The following TNRC6B variants were observed in gnomAD, a reference collection of about 807,000 sequenced individuals.
TNRC6B encodes trinucleotide repeat-containing gene 6B protein.
Under a neutral mutation model 203.6 loss-of-function variants are expected in TNRC6B, and 52 were observed. The observed-to-expected ratio is 0.26, with a 90% CI of 0.20 to 0.32. The LOEUF is 0.32. Among genes scored for constraint, TNRC6B ranks in the 10% least tolerant of loss-of-function variants. The pLI, the probability that TNRC6B is intolerant of heterozygous loss-of-function variation, is 1.00. For synonymous variants in TNRC6B, 838 were observed against 845.7 expected, an observed-to-expected ratio of 0.99 and a Z score of 0.16; for missense variants, 1,923 against 2,286.2, an observed-to-expected ratio of 0.84 and a Z score of 3.24.
intron 3 of TNRC6B, among the ~76,000 whole-genome samples, chr22:40,254,231 A>T (rs1003076886): frequency 6.6e-6 from 1 of 152,210 alleles, no homozygotes; most frequent in African/African-American, 2.4e-5. Flanking sequence ...GAACTAAAAG[A>T]GTTTGATGGA....
At chr22:40,297,131 T>A (rs751015074) in intron 12 of TNRC6B, among the ~76,000 whole-genome samples, 1 of 152,228 alleles carries the variant, frequency 6.6e-6, no homozygotes, top group Non-Finnish European at 1.5e-5. Context: ...AATACTGGCA[T>A]AGAAGAACAA....
At chr22:40,263,242 CTTTA>C (rs1199107505) in intron 4 of TNRC6B, among the ~76,000 whole-genome samples, 1 of 152,166 alleles carries the variant, frequency 6.6e-6, no homozygotes, top group African/African-American at 2.4e-5. Context: ...CAGTAGGATG[CTTTA>C]TTTGAGTTCT....
At chr22:40,114,296 A>G (rs1016237174) in intron 1 of TNRC6B, among the ~76,000 whole-genome samples, 1 of 152,070 alleles carries the variant, frequency 6.6e-6, no homozygotes, top group African/African-American at 2.4e-5. Context: ...TTAGTTAGGT[A>G]CTTGGCTTTG....
At chr22:40,132,969 A>AAATATATATATAT (rs1282694632) in intron 3 of TNRC6B, among the ~76,000 whole-genome samples, 12 of 78,186 alleles carry the variant, frequency 1.5e-4, no homozygotes, top group African/African-American at 4.0e-4. Context: ...AAAAAAAAAA[A>AAATATATATATAT]ATATATATAT....
chr22:40,296,923 G>A (rs1487523422), intron 12 of TNRC6B, among the ~76,000 whole-genome samples: 1 of 152,178 alleles, frequency 6.6e-6, no homozygotes, highest in Non-Finnish European at 1.5e-5. Context: ...CAGCCACCAT[G>A]TCCAGCCTGG....
chr22:40,103,889 C>T (rs1274201076), intron 1 of TNRC6B, among the ~76,000 whole-genome samples: 2 of 151,514 alleles, frequency 1.3e-5, no homozygotes, highest in East Asian at 4.0e-4. Context: ...GTGATCTGCC[C>T]ACCTTGGCCT....
chr22:40,225,209 C>T (rs2069766611), intron 1 of TNRC6B, among the ~76,000 whole-genome samples: 1 of 152,172 alleles, frequency 6.6e-6, no homozygotes, highest in South Asian at 2.1e-4. Flanking sequence ...GAGGCATGTG[C>T]TTATTGCAGT....
chr22:40,131,067 A>C (rs1328589540), intron 3 of TNRC6B, among the ~76,000 whole-genome samples: 2 of 151,460 alleles, frequency 1.3e-5, no homozygotes, highest in Non-Finnish European at 2.9e-5. Flanking sequence ...CCACGCCCGG[A>C]TAATTTTTTG....
chr22:40,285,665 T>G lies in TNRC6B; in HGVS notation c.3603T>G (p.Phe1201Leu), dbSNP rs758070534. ...TACAGGGCGGTAGTCATGGTTTGTT[T>G]GGAAACAGCACAGCACAATCGAGAG... ...AARQGGSHGL[F>L]GNSTAQSRGL... Residue 1201 changes from phenylalanine to leucine, a missense_variant, in exon 12 of 23, where the codon TTT (phenylalanine) becomes TTG (leucine). Phe to Leu is a conservative substitution (Grantham distance 22). Transcript: ENST00000454349. 6.2e-7 allele frequency: 1 copy of G among 1,613,250 alleles called. No homozygotes were observed. The highest frequency in any genetic ancestry group is 1.1e-5 in the South Asian group (1 of 90,848).
At chr22:40,051,451 C>T (rs768262164) in intron 1 of TNRC6B, among the ~76,000 whole-genome samples, 5 of 152,204 alleles carry the variant, frequency 3.3e-5, no homozygotes, top group Non-Finnish European at 7.3e-5. Flanking sequence ...CTTCTAAAGA[C>T]GTTGTATACT....
At chr22:40,091,963 C>G (rs2068154250) in intron 1 of TNRC6B, among the ~76,000 whole-genome samples, 1 of 152,106 alleles carries the variant, frequency 6.6e-6, no homozygotes, top group Non-Finnish European at 1.5e-5. Context: ...GCCAGAGAAA[C>G]ATAAATCTTC....
intron 1 of TNRC6B, among the ~76,000 whole-genome samples, chr22:40,060,200 C>CT (rs112050371): frequency 1.7e-3 from 225 of 132,142 alleles, no homozygotes; most frequent in Middle Eastern, 7.9e-3. Flanking sequence ...ATGCACATGA[C>CT]TTTTTTTTTT....
rs1017028176 is a variant in TNRC6B at position 40,325,919 on chromosome 22, C to T, written c.*2678C>T. On this transcript the variant is annotated 3_prime_UTR_variant, in exon 23 of 23. Coordinates refer to ENST00000454349, the MANE Select transcript of TNRC6B (RefSeq NM_001162501.2). ...TACGGTGAAAGCCGGGTGCTAGAGCCCCTCTTGTTTACAAGACATAATGAG... is the reference window on the plus strand; with the variant it reads ...TACGGTGAAAGCCGGGTGCTAGAGCTCCTCTTGTTTACAAGACATAATGAG... 1 of 152,350 alleles carries T rather than the reference C, an allele frequency of 6.6e-6. No individual in the cohort carries two copies. Among genetic ancestry groups the T allele is most frequent in the East Asian group, 1.9e-4 (1 of 5,194 alleles). 9.4% of individuals were successfully genotyped at this position (152,350 alleles called of 1,614,324 possible). A position where few individuals can be genotyped will look rare whatever the true frequency, so the allele number is the denominator to read the frequency against.
intron 16 of TNRC6B, among the ~76,000 whole-genome samples, chr22:40,310,431 G>A (rs915234613): frequency 1.3e-5 from 2 of 152,168 alleles, no homozygotes; most frequent in African/African-American, 4.8e-5. Context: ...CTTCTTATGT[G>A]CTACAAATGG....
intron 1 of TNRC6B, among the ~76,000 whole-genome samples, chr22:40,078,538 A>G (rs1437179790): frequency 6.6e-6 from 1 of 152,114 alleles, no homozygotes; most frequent in African/African-American, 2.4e-5. Flanking sequence ...AAAATTATTT[A>G]TGATTAATCA....
rs768312489 is a variant in TNRC6B at position 40,265,669 on chromosome 22, C to T, written c.1439C>T (p.Thr480Met). ...TCTTGGGACAACAATAACAGGTCTA[C>T]GGGTGGGTCCTGGAACTTTGGCCCC... ...NDSWDNNNRS[T>M]GGSWNFGPQD... Residue 480 changes from threonine to methionine, a missense_variant, in exon 5 of 23, where the codon ACG (threonine) becomes ATG (methionine). Thr to Met is a moderately conservative substitution (Grantham distance 81, BLOSUM62 -1). Transcript: ENST00000454349. 1.9e-5 allele frequency: 31 copies of T among 1,613,770 alleles called. No homozygotes were observed. The highest frequency in any genetic ancestry group is 4.5e-5 in the East Asian group (2 of 44,894).
intron 3 of TNRC6B, among the ~76,000 whole-genome samples, chr22:40,128,572 G>GGCTCACGGCTCACGGCTCACA (rs1555884298): frequency 2.0e-4 from 29 of 146,602 alleles, no homozygotes; most frequent in African/African-American, 7.0e-4. Flanking sequence ...CACGGCTCAC[G>GGCTCACGGCTCACGGCTCACA]GCTCACAGCT....
At chr22:40,088,584 TTGTGTGTGTGTGTGTGTG>T (rs58537972) in intron 1 of TNRC6B, among the ~76,000 whole-genome samples, 11 of 125,228 alleles carry the variant, frequency 8.8e-5, no homozygotes, top group East Asian at 2.4e-4. Flanking sequence ...GCGGCTACTT[TTGTGTGTGTGTGTGTGTG>T]TGTGTGTGTG....
At chr22:40,264,553 C>G (rs890161946) in intron 4 of TNRC6B, 135 bp from the exon 5 acceptor site, 2 of 946,888 alleles carry the variant, frequency 2.1e-6, no homozygotes, top group African/African-American at 3.3e-5. Flanking sequence ...AGTTGTGATA[C>G]AAGCAACTGG....
Sources: allele counts gnomAD v4.1 joint callset (sites outside exome capture counted in the v4.1 genomes callset), GRCh38; gene constraint gnomAD v4.1.1; transcripts MANE v1.5; gene names NCBI Gene and HGNC (gene_info 2026-07-23, HGNC 2026-07-21).